ASIC2: variants seen among roughly 807,000 people sequenced by gnomAD.
ASIC2 encodes acid sensing ion channel subunit 2.
A neutral mutation model predicts 57.3 loss-of-function variants in ASIC2; 25 were observed. That is an observed-to-expected ratio of 0.44 (90% CI 0.32 to 0.61). The LOEUF (loss-of-function observed/expected upper bound fraction) is 0.61. Ranked by LOEUF, ASIC2 falls within the 20% of genes least tolerant of loss-of-function variation. The probability of loss-of-function intolerance (pLI) is 0.06; values close to 1 mark genes in which losing one functional copy is unlikely to be tolerated. For missense variants in ASIC2, 641 were observed against 738.1 expected, an observed-to-expected ratio of 0.87 and a Z score of 1.52; for synonymous variants, 319 against 307.5, an observed-to-expected ratio of 1.04 and a Z score of -0.39.
chr17:33,052,051 C>A (rs963215614), intron 3 of ASIC2: 6 of 152,122 alleles, frequency 3.9e-5, no homozygotes, highest in African/African-American at 1.2e-4. Flanking sequence ...GTGCTGGGAG[C>A]CACTGACTGC....
At chr17:33,167,676 C>T (rs1905353197) in intron 1 of ASIC2, among the ~76,000 whole-genome samples, 1 of 152,206 alleles carries the variant, frequency 6.6e-6, no homozygotes, top group African/African-American at 2.4e-5. Context: ...AAGGTCTTAA[C>T]CCAATAGTGC....
intron 1 of ASIC2, chr17:33,541,417 T>G (rs955809763): frequency 2.6e-5 from 4 of 152,116 alleles, no homozygotes; most frequent in African/African-American, 9.7e-5. Flanking sequence ...TGTGGACATG[T>G]GAAAATGAAG....
Position 33,309,600 on chromosome 17 carries a change from C to T in ASIC2, c.556-197533G>A, listed in dbSNP as rs373466575. 1.5e-3 allele frequency among the ~76,000 whole-genome samples: 225 copies of T among 152,248 alleles called. 1 individual carries two copies. The highest frequency in any genetic ancestry group is 5.1e-3 in the African/African-American group (211 of 41,546). Reference sequence around the variant, plus strand: ...TCACCTTCACCTCCACCTCCACTGTCCCCTTCCTCCTCTCTTCTCCTAATG... The same window carrying T: ...TCACCTTCACCTCCACCTCCACTGTTCCCTTCCTCCTCTCTTCTCCTAATG... On this transcript the variant is annotated intron_variant, in intron 1 of 9. Transcript: ENST00000359872.
intron 1 of ASIC2, chr17:33,955,473 G>C (rs556034323): frequency 6.6e-5 from 10 of 152,232 alleles, no homozygotes; most frequent in Non-Finnish European, 1.2e-4. Context: ...GCCTGCTTCT[G>C]TTCCTGGAAG....
At chr17:33,439,696 A>G (rs1478604015) in intron 1 of ASIC2, among the ~76,000 whole-genome samples, 1 of 152,238 alleles carries the variant, frequency 6.6e-6, no homozygotes, top group Non-Finnish European at 1.5e-5. Flanking sequence ...CCAGAAGCCC[A>G]GAGCCAAAGG....
chr17:33,441,938 G>A (rs571527293), intron 1 of ASIC2, among the ~76,000 whole-genome samples: 38 of 152,210 alleles, frequency 2.5e-4, no homozygotes, highest in South Asian at 1.5e-3. Flanking sequence ...TGACTCAGGC[G>A]TAAACACAGC....
At chr17:33,397,257 C>A (rs1260474307) in intron 1 of ASIC2, among the ~76,000 whole-genome samples, 1 of 152,182 alleles carries the variant, frequency 6.6e-6, no homozygotes, top group Non-Finnish European at 1.5e-5. Context: ...ATGCCTGTTG[C>A]CAAATTCCCC....
intron 1 of ASIC2, among the ~76,000 whole-genome samples, chr17:33,402,377 A>G (rs1269442851): frequency 6.6e-6 from 1 of 152,124 alleles, no homozygotes; most frequent in Non-Finnish European, 1.5e-5. Context: ...TGCTGCACCT[A>G]TCAACCCACC....
At chr17:33,697,359 A>G (rs1908560040) in intron 1 of ASIC2, among the ~76,000 whole-genome samples, 1 of 152,178 alleles carries the variant, frequency 6.6e-6, no homozygotes, top group South Asian at 2.1e-4. Flanking sequence ...GAGGAGGAGG[A>G]AGCAGGTTGG....
chr17:33,714,209 A>G (rs1425979258), intron 1 of ASIC2, among the ~76,000 whole-genome samples: 1 of 152,224 alleles, frequency 6.6e-6, no homozygotes, highest in Non-Finnish European at 1.5e-5. Context: ...ATCAATTCAC[A>G]GCAATTTCAC....
At chr17:33,610,713 T>A (rs1054155079) in intron 1 of ASIC2, among the ~76,000 whole-genome samples, 2 of 138,638 alleles carry the variant, frequency 1.4e-5, no homozygotes, top group East Asian at 1.9e-4. Context: ...AATAAATAAA[T>A]AAAAAATAAA....
intron 1 of ASIC2, among the ~76,000 whole-genome samples, chr17:33,418,024 A>ATGTGTGTGTGTGTGTGTG (rs57341033): frequency 9.1e-6 from 1 of 110,248 alleles, no homozygotes; most frequent in African/African-American, 3.1e-5. Context: ...CTCAGCATGT[A>ATGTGTGTGTGTGTGTGTG]TGTATGTGTG....
At chr17:33,495,678 G>GC (rs953675388) in intron 1 of ASIC2, among the ~76,000 whole-genome samples, 13 of 152,228 alleles carry the variant, frequency 8.5e-5, no homozygotes, top group African/African-American at 2.6e-4. Flanking sequence ...CAAAGGCCAG[G>GC]CCCCCCACCC....
chr17:33,786,399 T>C (rs1364600939), intron 1 of ASIC2, among the ~76,000 whole-genome samples: 2 of 152,092 alleles, frequency 1.3e-5, no homozygotes, highest in African/African-American at 4.8e-5. Context: ...CAAGAAGTAG[T>C]AAATGATGAA....
At chr17:33,351,421 A>G (rs956799486) in intron 1 of ASIC2, among the ~76,000 whole-genome samples, 1 of 152,180 alleles carries the variant, frequency 6.6e-6, no homozygotes, top group Non-Finnish European at 1.5e-5. Context: ...GCCATTCAGG[A>G]AACATTAGCT....
chr17:33,985,354 T>C (rs1017404276), intron 1 of ASIC2, among the ~76,000 whole-genome samples: 9 of 152,204 alleles, frequency 5.9e-5, no homozygotes, highest in African/African-American at 2.2e-4. Flanking sequence ...CATAGAGCAG[T>C]ACCTCGTAAC....
chr17:33,464,518 T>TTCTCTC (rs1274773012), intron 1 of ASIC2, among the ~76,000 whole-genome samples: 4 of 40,752 alleles, frequency 9.8e-5, no homozygotes, highest in African/African-American at 4.5e-4. Flanking sequence ...CTTTCTTTCT[T>TTCTCTC]TCTTTCTTTC....
chr17:33,699,943 G>A (rs16968774), intron 1 of ASIC2, among the ~76,000 whole-genome samples: 24,268 of 151,926 alleles, frequency 0.16, 2,053 homozygotes, highest in African/African-American at 0.22. Flanking sequence ...TAGACTTCTG[G>A]ATAAAGTATC....
At chr17:33,493,486 C>T (rs2141936142) in intron 1 of ASIC2, among the ~76,000 whole-genome samples, 1 of 152,296 alleles carries the variant, frequency 6.6e-6, no homozygotes, top group Middle Eastern at 3.4e-3. Flanking sequence ...TCTGTAGCTT[C>T]CATAGCTTTT....
Sources: gnomAD v4.1 joint callset for allele counts (sites outside exome capture counted in the v4.1 genomes callset) on GRCh38, gnomAD v4.1.1 for gene constraint, MANE v1.5 for transcripts, NCBI Gene and HGNC (gene_info 2026-07-23, HGNC 2026-07-21) for gene names.